The following PICALM variants were observed in gnomAD, a reference collection of about 807,000 sequenced individuals.
PICALM encodes phosphatidylinositol binding clathrin assembly protein.
A neutral mutation model predicts 80.5 loss-of-function variants in PICALM; 40 were observed. The ratio of observed to expected loss-of-function variants is 0.50; its 90% CI spans 0.39 to 0.65. The LOEUF (loss-of-function observed/expected upper bound fraction) is 0.65, where lower values mean the gene tolerates loss of function less well. Ranked by LOEUF, PICALM falls within the 30% of genes least tolerant of loss-of-function variation. The pLI is 0.00. For missense variants in PICALM, 676 were observed against 778.9 expected, an observed-to-expected ratio of 0.87 and a Z score of 1.57; for synonymous variants, 288 against 260.3, an observed-to-expected ratio of 1.11 and a Z score of -1.02.
chr11:86,056,236 C>T lies in PICALM; in HGVS notation c.130+12415G>A, dbSNP rs557735074. The stretch of plus-strand genomic sequence containing the variant: ...GTATCAAGAAAGTGACAAGCCAAGC[C>T]ACAGAATGGGGAAAAAAATTACAAA... On this transcript the variant is annotated intron_variant, in intron 1 of 19. Coordinates refer to ENST00000393346, the MANE Select transcript of PICALM (RefSeq NM_007166.4). Among the ~76,000 whole-genome samples the T allele has an allele frequency of 4.2e-5, 6 of 143,122 alleles. No homozygotes were observed. The East Asian group carries it at 1.2e-3, about 29-fold the overall frequency. 93.9% of individuals were successfully genotyped at this position (143,122 alleles called of 152,430 possible).
intron 19 of PICALM, among the ~76,000 whole-genome samples, chr11:85,973,374 G>A (rs986068694): frequency 1.3e-5 from 2 of 152,154 alleles, no homozygotes; most frequent in African/African-American, 2.4e-5. Flanking sequence ...AAAGTGAACC[G>A]TGGTCTGAAA....
chr11:85,977,873 A>C (rs533268146), intron 17 of PICALM, among the ~76,000 whole-genome samples: 1 of 152,348 alleles, frequency 6.6e-6, no homozygotes, highest in East Asian at 1.9e-4. Flanking sequence ...AAGAAAAAAA[A>C]TCGGTATTTC....
chr11:85,960,579 C>A, intron 19 of PICALM: 1 of 506,964 alleles, frequency 2.0e-6, no homozygotes. Context: ...GCCTAGAGTC[C>A]TTTAAAGAAA....
intron 3 of PICALM, 89 bp from the exon 4 acceptor site, chr11:86,022,558 T>C (rs1350234944): frequency 1.6e-6 from 1 of 642,726 alleles, no homozygotes; most frequent in South Asian, 2.0e-5. Flanking sequence ...GAAAAACAAC[T>C]CATTGCATCC....
intron 8 of PICALM, among the ~76,000 whole-genome samples, chr11:86,004,557 G>A (rs1230706010): frequency 2.0e-5 from 3 of 151,756 alleles, no homozygotes; most frequent in Non-Finnish European, 4.4e-5. Context: ...CAGGCTATAG[G>A]TCAAATCTCA....
At chr11:86,011,920 G>C (rs1020065414) in intron 6 of PICALM, among the ~76,000 whole-genome samples, 1 of 147,582 alleles carries the variant, frequency 6.8e-6, no homozygotes, top group African/African-American at 2.5e-5. Flanking sequence ...GCACGATCTA[G>C]GCTCACTGCA....
intron 1 of PICALM, among the ~76,000 whole-genome samples, chr11:86,052,941 T>C (rs942680872): frequency 7.9e-5 from 12 of 152,262 alleles, no homozygotes; most frequent in East Asian, 3.8e-4. Flanking sequence ...GCTCATGCTC[T>C]TTCCTCCACC....
At chr11:86,037,934 C>G (rs2095871915) in intron 1 of PICALM, among the ~76,000 whole-genome samples, 1 of 152,128 alleles carries the variant, frequency 6.6e-6, no homozygotes. Flanking sequence ...TATTCCACAC[C>G]CTTTAGAACG....
At chr11:86,065,932 AAC>A (rs1434829971) in intron 1 of PICALM, among the ~76,000 whole-genome samples, 1 of 152,240 alleles carries the variant, frequency 6.6e-6, no homozygotes. Context: ...TACGAAAAAC[AAC>A]AGTCCTAAGC....
At chr11:86,008,268 A>C (rs2095319084) in intron 7 of PICALM, among the ~76,000 whole-genome samples, 1 of 152,158 alleles carries the variant, frequency 6.6e-6, no homozygotes, top group South Asian at 2.1e-4. Context: ...TTCATTTTCT[A>C]ATCAGTCTCC....
At chr11:85,975,376 A>G (rs775242142) in intron 18 of PICALM, among the ~76,000 whole-genome samples, 37 of 152,146 alleles carry the variant, frequency 2.4e-4, no homozygotes, top group Non-Finnish European at 4.0e-4. Context: ...TCTCAACCAA[A>G]TATGTTTCTT....
intron 11 of PICALM, 112 bp downstream of exon 11, chr11:86,000,531 G>T: frequency 1.3e-6 from 1 of 750,166 alleles, no homozygotes; most frequent in Non-Finnish European, 2.1e-6. Context: ...ACCTCTTTGT[G>T]TGAATAGATT....
intron 1 of PICALM, among the ~76,000 whole-genome samples, chr11:86,062,795 TA>T (rs34250982): frequency 6.6e-6 from 1 of 152,166 alleles, no homozygotes; most frequent in Non-Finnish European, 1.5e-5. Context: ...TACAAAATAC[TA>T]AAAGGTCAAG....
intron 19 of PICALM, among the ~76,000 whole-genome samples, chr11:85,962,206 C>T (rs2093712493): frequency 6.6e-6 from 1 of 152,116 alleles, no homozygotes; most frequent in Admixed American, 6.5e-5. Flanking sequence ...CCCCCTCCTC[C>T]CTCTTCAGCG....
chr11:86,010,329 C>CTTT (rs377755641), intron 7 of PICALM, among the ~76,000 whole-genome samples: 151 of 141,066 alleles, frequency 1.1e-3, no homozygotes, highest in African/African-American at 3.7e-3. Context: ...GGAACAAAAG[C>CTTT]TTTTTTTTTT....
intron 1 of PICALM, among the ~76,000 whole-genome samples, chr11:86,039,948 G>A (rs2095923718): frequency 6.9e-6 from 1 of 144,756 alleles, no homozygotes; most frequent in Non-Finnish European, 1.5e-5. Context: ...AGCTTGCAGT[G>A]AGCCGAGATC....
At chr11:85,959,920 G>A (rs1364332843) in intron 19 of PICALM, among the ~76,000 whole-genome samples, 1 of 152,100 alleles carries the variant, frequency 6.6e-6, no homozygotes, top group East Asian at 1.9e-4. Flanking sequence ...AGCATGTGGA[G>A]GAGGAAAAGA....
At chr11:86,056,134 T>TAAAAAAAAAAAGAAAAAAA (rs376759395) in intron 1 of PICALM, among the ~76,000 whole-genome samples, 1 of 76,820 alleles carries the variant, frequency 1.3e-5, no homozygotes, top group African/African-American at 4.9e-5. Context: ...GACTCTGTCT[T>TAAAAAAAAAAAGAAAAAAA]TAAAAAAAAA....
chr11:86,006,508 G>T (rs564294401), intron 8 of PICALM, among the ~76,000 whole-genome samples: 27 of 152,242 alleles, frequency 1.8e-4, no homozygotes, highest in African/African-American at 6.3e-4. Flanking sequence ...TTAGCTGGGC[G>T]TGGTGGCTTA....
Sources: gnomAD v4.1 joint callset for allele counts (sites outside exome capture counted in the v4.1 genomes callset) on GRCh38, gnomAD v4.1.1 for gene constraint, MANE v1.5 for transcripts, NCBI Gene and HGNC (gene_info 2026-07-23, HGNC 2026-07-21) for gene names.